The following OR1F1 variants were observed in gnomAD, a reference collection of about 807,000 sequenced individuals.
The protein encoded by OR1F1 is olfactory receptor family 1 subfamily F member 1.
For missense variants in OR1F1, 493 were observed against 376.3 expected (o/e 1.31, Z -2.57); for synonymous variants, 184 against 156.7 (o/e 1.17, Z -1.30).
chr16:3,199,498 T>C (rs1382329503), upstream of OR1F1, among the ~76,000 whole-genome samples: 1 of 151,720 alleles, frequency 6.6e-6, no homozygotes, highest in African/African-American at 2.4e-5. Flanking sequence ...ACAAAAAATT[T>C]AAAAATTAGC....
chr16:3,193,986 G>C, the OR1F1 span, among the ~76,000 whole-genome samples: 2 of 152,126 alleles, frequency 1.3e-5, no homozygotes, highest in Non-Finnish European at 2.9e-5. Flanking sequence ...GTTCCACCTG[G>C]GGTAAGACAA....
chr16:3,195,167 C>T, the OR1F1 span, among the ~76,000 whole-genome samples: 1 of 152,234 alleles, frequency 6.6e-6, no homozygotes, highest in African/African-American at 2.4e-5. Flanking sequence ...AGACCCTGCG[C>T]CTCCGGCGCT....
At chr16:3,205,239 G>A (rs1311622802), downstream of OR1F1, 5 of 1,314,966 alleles carry the variant, frequency 3.8e-6, no homozygotes, top group Non-Finnish European at 5.3e-6. Context: ...TTCACCAATT[G>A]AGTTTAATGC....
chr16:3,199,188 A>G, the OR1F1 span, among the ~76,000 whole-genome samples: 1 of 147,678 alleles, frequency 6.8e-6, no homozygotes, highest in African/African-American at 2.5e-5. Flanking sequence ...CTGTAGTCCC[A>G]GCTCCTCAGG....
At chr16:3,192,006 G>A in the OR1F1 span, among the ~76,000 whole-genome samples, 16 of 152,242 alleles carry the variant, frequency 1.1e-4, no homozygotes, top group African/African-American at 3.4e-4. Flanking sequence ...TGGTCTAGGG[G>A]TATGATTCTC....
At chr16:3,203,397 C>T (rs1958159949), upstream of OR1F1, among the ~76,000 whole-genome samples, 1 of 152,214 alleles carries the variant, frequency 6.6e-6, no homozygotes, top group South Asian at 2.1e-4. Context: ...CCAATAACCT[C>T]TGGCCAGGTC....
At chr16:3,192,939 A>T in the OR1F1 span, among the ~76,000 whole-genome samples, 39 of 152,106 alleles carry the variant, frequency 2.6e-4, no homozygotes, top group East Asian at 3.3e-3. Context: ...GTTTTTAAAA[A>T]TTTTTTATCT....
chr16:3,198,882 A>G, the OR1F1 span, among the ~76,000 whole-genome samples: 9 of 151,992 alleles, frequency 5.9e-5, no homozygotes, highest in Non-Finnish European at 8.8e-5. Flanking sequence ...GCTTGAGCCC[A>G]GGAGCTTGAG....
upstream of OR1F1, among the ~76,000 whole-genome samples, chr16:3,203,517 GCAC>G (rs1596325027): frequency 1.3e-5 from 2 of 152,234 alleles, no homozygotes; most frequent in Non-Finnish European, 1.5e-5. Flanking sequence ...TGTAATCCCA[GCAC>G]CTTGGGAGGC....
At chr16:3,198,239 G>T in the OR1F1 span, among the ~76,000 whole-genome samples, 2 of 152,118 alleles carry the variant, frequency 1.3e-5, no homozygotes, top group Admixed American at 6.6e-5. Context: ...TATGCAGGGT[G>T]AGTTGGCAAA....
chr16:3,193,870 G>T, the OR1F1 span, among the ~76,000 whole-genome samples: 1 of 152,134 alleles, frequency 6.6e-6, no homozygotes, highest in East Asian at 1.9e-4. Flanking sequence ...AGCCACCCGC[G>T]ATAAGTTATT....
the OR1F1 span, among the ~76,000 whole-genome samples, chr16:3,198,543 TCCTGGG>T: frequency 6.6e-6 from 1 of 152,142 alleles, no homozygotes; most frequent in Non-Finnish European, 1.5e-5. Flanking sequence ...CAGGTAGCTC[TCCTGGG>T]CCTGGTCTAT....
the OR1F1 span, among the ~76,000 whole-genome samples, chr16:3,193,763 A>G: frequency 6.6e-6 from 1 of 152,132 alleles, no homozygotes; most frequent in Non-Finnish European, 1.5e-5. Context: ...ACAACCGGCT[A>G]ATTTTAAAAT....
At chr16:3,188,811 C>T in the OR1F1 span, among the ~76,000 whole-genome samples, 1 of 152,358 alleles carries the variant, frequency 6.6e-6, no homozygotes, top group African/African-American at 2.4e-5. Flanking sequence ...TGCCCCGGAA[C>T]CGATGCCCGA....
chr16:3,190,228 A>G, the OR1F1 span, among the ~76,000 whole-genome samples: 17 of 152,148 alleles, frequency 1.1e-4, no homozygotes, highest in Admixed American at 3.3e-4. Flanking sequence ...ACCTGCGTGT[A>G]GCCTCTTGGG....
chr16:3,196,357 G>A, the OR1F1 span, among the ~76,000 whole-genome samples: 1,182 of 152,180 alleles, frequency 7.8e-3, 15 homozygotes, highest in African/African-American at 0.027. Context: ...GATGCTAATC[G>A]GGGCCATTAA....
upstream of OR1F1, among the ~76,000 whole-genome samples, chr16:3,199,964 C>T (rs533670135): frequency 2.6e-5 from 4 of 151,036 alleles, no homozygotes; most frequent in Admixed American, 1.3e-4. Flanking sequence ...TGTGGTGAAC[C>T]GAGATCATGC....
downstream of OR1F1, among the ~76,000 whole-genome samples, chr16:3,205,713 G>C (rs1035851772): frequency 6.6e-6 from 1 of 152,024 alleles, no homozygotes; most frequent in Non-Finnish European, 1.5e-5. Context: ...AAGATTTCAC[G>C]GACATTTATC....
At chr16:3,205,115 A>G (rs1260006795) in exon 1 of OR1F1, 5 of 1,613,930 alleles carry the variant, frequency 3.1e-6, no homozygotes. Flanking sequence ...CCTTTCATCT[A>G]CAGCCTGAGG....
Sources: allele counts gnomAD v4.1 joint callset (sites outside exome capture counted in the v4.1 genomes callset), GRCh38; gene constraint gnomAD v4.1.1; transcripts MANE v1.5; gene names NCBI Gene and HGNC (gene_info 2026-07-23, HGNC 2026-07-21).